SPAG16: variants seen among roughly 807,000 people sequenced by gnomAD.
The protein encoded by SPAG16 is sperm associated antigen 16, also known as sperm-associated antigen 16 protein.
In SPAG16, 86 loss-of-function variants were observed where a neutral mutation model predicts 80.4. The ratio of observed to expected loss-of-function variants is 1.07; its 90% CI spans 0.90 to 1.28. The LOEUF (loss-of-function observed/expected upper bound fraction) is 1.28. Ranked by LOEUF, SPAG16 falls within the 50% of genes most tolerant of loss-of-function variation. SPAG16 has a pLI of 0.00. For synonymous variants in SPAG16, 294 were observed against 265.9 expected, an observed-to-expected ratio of 1.11 and a Z score of -1.03; for missense variants, 870 against 765.3, an observed-to-expected ratio of 1.14 and a Z score of -1.61.
At chr2:214,212,860 A>C (rs1175703440) in intron 15 of SPAG16, among the ~76,000 whole-genome samples, 2 of 152,262 alleles carry the variant, frequency 1.3e-5, no homozygotes, top group Admixed American at 6.5e-5. Flanking sequence ...TTTTAGAGGG[A>C]GAACTGTGAA....
chr2:213,777,237 ATTTTTTTTTTT>A (rs59548915), intron 10 of SPAG16, among the ~76,000 whole-genome samples: 4 of 82,754 alleles, frequency 4.8e-5, no homozygotes, highest in African/African-American at 4.9e-5. Context: ...GTTTGTAGGA[ATTTTTTTTTTT>A]TTTTTTTTTT....
intron 10 of SPAG16, among the ~76,000 whole-genome samples, chr2:213,507,521 A>G (rs980837718): frequency 6.6e-6 from 1 of 152,224 alleles, no homozygotes; most frequent in Non-Finnish European, 1.5e-5. Flanking sequence ...TTTCTGGAGC[A>G]TGGTATGTCC....
rs565942741 is a variant in SPAG16, at chr2:213,676,293, G to T, written c.1071-186192G>T. Among the ~76,000 whole-genome samples the T allele has an allele frequency of 2.3e-3, 348 of 152,270 alleles. 1 individual carries two copies. The South Asian group carries it at 0.026, about 11-fold the overall frequency. On this transcript the variant is annotated intron_variant, in intron 10 of 15. Transcript: ENST00000331683. ...TAACGAGATTTTGGGATGAGACAATGGGGTTTTCTAGATATACAATCATGT... is the reference window on the plus strand; with the variant it reads ...TAACGAGATTTTGGGATGAGACAATTGGGTTTTCTAGATATACAATCATGT...
intron 10 of SPAG16, among the ~76,000 whole-genome samples, chr2:213,598,040 A>G (rs1051301908): frequency 6.6e-6 from 1 of 152,142 alleles, no homozygotes; most frequent in Admixed American, 6.5e-5. Context: ...CACCTTTGCT[A>G]GCCAGGCTTC....
chr2:214,077,165 T>C (rs1322773306), intron 13 of SPAG16, among the ~76,000 whole-genome samples: 1 of 152,164 alleles, frequency 6.6e-6, no homozygotes, highest in African/African-American at 2.4e-5. Flanking sequence ...AGAAAAAATA[T>C]TTATTAATAA....
intron 12 of SPAG16, among the ~76,000 whole-genome samples, chr2:213,954,546 G>GT (rs556995254): frequency 3.4e-4 from 51 of 152,118 alleles, no homozygotes; most frequent in African/African-American, 1.2e-3. Flanking sequence ...CGTATAGAAT[G>GT]TGCAGGTTTG....
chr2:213,979,975 TTCCAGATTACTATG>T (rs2045611060), intron 12 of SPAG16, among the ~76,000 whole-genome samples: 1 of 152,056 alleles, frequency 6.6e-6, no homozygotes, highest in East Asian at 1.9e-4. Flanking sequence ...CTCTCCACCC[TTCCAGATTACTATG>T]TTTTTGTTTG....
intron 10 of SPAG16, among the ~76,000 whole-genome samples, chr2:213,626,498 CATT>C (rs1281498441): frequency 1.3e-5 from 2 of 151,972 alleles, no homozygotes; most frequent in Non-Finnish European, 2.9e-5. Flanking sequence ...ATATATATAA[CATT>C]AGTTTAACAG....
At chr2:214,002,018 A>G (rs898360238) in intron 12 of SPAG16, among the ~76,000 whole-genome samples, 4 of 152,196 alleles carry the variant, frequency 2.6e-5, no homozygotes, top group African/African-American at 9.7e-5. Flanking sequence ...GGCAGACAAG[A>G]GAGAATGAGA....
chr2:213,663,824 T>C (rs1308241115), intron 10 of SPAG16, among the ~76,000 whole-genome samples: 2 of 152,050 alleles, frequency 1.3e-5, no homozygotes, highest in Admixed American at 1.3e-4. Context: ...AAAACTTTAA[T>C]GGAATAAGAA....
At chr2:213,423,787 G>T (rs984168924) in intron 9 of SPAG16, among the ~76,000 whole-genome samples, 7 of 152,118 alleles carry the variant, frequency 4.6e-5, no homozygotes, top group Non-Finnish European at 8.8e-5. Context: ...AGGTCATTCA[G>T]TCCGTCTGTG....
At position 214,350,085 on chromosome 2, in the gene SPAG16, T is replaced by G. The variant is rs375117389; in HGVS notation, c.1721-60055T>G. On this transcript the variant is annotated intron_variant, in intron 15 of 15. Coordinates refer to ENST00000331683, the MANE Select transcript of SPAG16 (RefSeq NM_024532.5). ...TCTTCTGTATGTAATTTGTCCTTTTTTTCCTGGCTACTTAGAGGATTTTTC... is the reference window on the plus strand; with the variant it reads ...TCTTCTGTATGTAATTTGTCCTTTTGTTCCTGGCTACTTAGAGGATTTTTC... Among the ~76,000 whole-genome samples the G allele has an allele frequency of 2.8e-4, 43 of 152,344 alleles. No homozygotes were observed. In the South Asian group the frequency reaches 8.7e-3, roughly 31 times the overall value.
In SPAG16 at chr2:213,642,357, G is replaced by A. The variant is rs541022880; in HGVS notation, c.1070+152267G>A. On this transcript the variant is annotated intron_variant, in intron 10 of 15. Coordinates refer to ENST00000331683, the MANE Select transcript of SPAG16 (RefSeq NM_024532.5). ...CTACAAGTTAGTCTTGTCTCCTATC[G>A]GCAAGTTTTTTCATCACCAACTTCC... 1.3e-4 allele frequency among the ~76,000 whole-genome samples: 20 copies of A among 152,186 alleles called. 1 individual carries two copies. The highest frequency in any genetic ancestry group is 3.9e-4 in the East Asian group (2 of 5,174).
chr2:214,261,107 C>CAAAAAAAAAAAAAAAA (rs558534808), intron 15 of SPAG16, among the ~76,000 whole-genome samples: 8 of 54,470 alleles, frequency 1.5e-4, no homozygotes, highest in Non-Finnish European at 2.2e-4. Context: ...GACTCAGTCT[C>CAAAAAAAAAAAAAAAA]AAAAAAAAAA....
At chr2:213,458,237 A>G (rs918241581) in intron 9 of SPAG16, among the ~76,000 whole-genome samples, 3 of 152,086 alleles carry the variant, frequency 2.0e-5, no homozygotes, top group African/African-American at 7.2e-5. Context: ...CTGAGCTTGC[A>G]TCTGAGATCA....
chr2:214,356,881 A>G (rs1698841730), intron 15 of SPAG16, among the ~76,000 whole-genome samples: 1 of 151,884 alleles, frequency 6.6e-6, no homozygotes, highest in South Asian at 2.1e-4. Context: ...CTTCTATCTC[A>G]TACCTTTCTT....
At chr2:213,614,312 C>CAA (rs2061528804) in intron 10 of SPAG16, among the ~76,000 whole-genome samples, 4 of 152,150 alleles carry the variant, frequency 2.6e-5, no homozygotes, top group African/African-American at 9.7e-5. Flanking sequence ...ATACAAATGG[C>CAA]ATAATAAGAT....
intron 10 of SPAG16, among the ~76,000 whole-genome samples, chr2:213,691,491 G>A (rs1386702583): frequency 6.6e-6 from 1 of 152,050 alleles, no homozygotes; most frequent in Non-Finnish European, 1.5e-5. Flanking sequence ...TGGACCTCTA[G>A]CCCAGACTAA....
rs147501625 is a variant in SPAG16, at chr2:213,838,368, T to A, written c.1071-24117T>A. On this transcript the variant is annotated intron_variant, in intron 10 of 15. Coordinates refer to ENST00000331683, the MANE Select transcript of SPAG16 (RefSeq NM_024532.5). ...TTGTATTTTTAGTAGAGACAGGGTT[T>A]CACCATGTTGGCCAGGCTGGTCCTG... Among the ~76,000 whole-genome samples the A allele has an allele frequency of 1.4e-3, 211 of 152,276 alleles. 4 individuals are homozygous for A. In the East Asian group the frequency reaches 0.034, roughly 25 times the overall value.
Sources: allele counts gnomAD v4.1 joint callset (sites outside exome capture counted in the v4.1 genomes callset), GRCh38; gene constraint gnomAD v4.1.1; transcripts MANE v1.5; gene names NCBI Gene and HGNC (gene_info 2026-07-23, HGNC 2026-07-21).